Variants in DMD observed in about 807,000 individuals in gnomAD.
DMD encodes mutant dystrophin.
Under a neutral mutation model 330.1 loss-of-function variants are expected in DMD, and 63 were observed. The observed-to-expected ratio is 0.19, with a 90% CI of 0.16 to 0.24. The LOEUF (loss-of-function observed/expected upper bound fraction) is 0.24, where lower values mean the gene tolerates loss of function less well. Ranked by LOEUF, DMD falls within the 10% of genes least tolerant of loss-of-function variation. DMD has a pLI of 1.00. For synonymous variants in DMD, 1,223 were observed against 959.8 expected (o/e 1.27, Z -5.07); for missense variants, 3,344 against 2,684.1 (o/e 1.25, Z -5.43).
At chrX:32,328,714 A>G (rs2097664397) in intron 41 of DMD, among the ~76,000 whole-genome samples, 2 of 110,668 alleles carry the variant, frequency 1.8e-5, no homozygotes, top group Admixed American at 9.6e-5. Flanking sequence ...ATTAGGGAAC[A>G]TCACAAAAGT....
chrX:32,887,971 A>C (rs910043895), intron 2 of DMD, among the ~76,000 whole-genome samples: 2 of 108,929 alleles, frequency 1.8e-5, no homozygotes, highest in African/African-American at 6.7e-5. Flanking sequence ...TTGTCCCTTC[A>C]CTCTGATTAA....
chrX:32,841,834 A>T (rs180700879), intron 4 of DMD, among the ~76,000 whole-genome samples: 90 of 112,074 alleles, frequency 8.0e-4, no homozygotes, highest in Non-Finnish European at 1.0e-3. Context: ...TTAAAGAATA[A>T]ACTATATCCA....
chrX:31,147,745 G>C (rs917713765), intron 74 of DMD, among the ~76,000 whole-genome samples: 5 of 109,530 alleles, frequency 4.6e-5, no homozygotes, highest in Non-Finnish European at 9.5e-5. Flanking sequence ...TGCCTGGTGT[G>C]TGAAGGGAGC....
intron 60 of DMD, among the ~76,000 whole-genome samples, chrX:31,373,435 G>A (rs1000946110): frequency 1.1e-5 from 1 of 93,260 alleles, no homozygotes; most frequent in African/African-American, 3.9e-5. Flanking sequence ...CAAGGCTACA[G>A]GAAGCAAAAC....
chrX:31,178,533 C>T, intron 70 of DMD, 136 bp downstream of exon 70: 9 of 914,800 alleles, frequency 9.8e-6, no homozygotes, highest in East Asian at 9.7e-5. Flanking sequence ...GCTTATTTTT[C>T]TCTTTTCAGC....
chrX:32,056,534 C>A (rs770016818), intron 44 of DMD, among the ~76,000 whole-genome samples: 47 of 109,462 alleles, frequency 4.3e-4, no homozygotes, highest in African/African-American at 1.6e-3. Flanking sequence ...AAAAAATGAA[C>A]AAATTCCTTG....
chrX:32,820,625 G>C lies in DMD; in HGVS notation c.357+2670C>G, dbSNP rs747062839. ...TAGTATAAACAATAAATACAGTTCA[G>C]AGTGCCTTTTGGAGCTCTGTGCATG... On this transcript the variant is annotated intron_variant, in intron 5 of 78. Coordinates refer to ENST00000357033, the MANE Select transcript of DMD (RefSeq NM_004006.3). Among the ~76,000 whole-genome samples the C allele has an allele frequency of 3.6e-5, 4 of 111,240 alleles. No homozygotes were observed. The East Asian group carries it at 1.1e-3, about 32-fold the overall frequency.
At chrX:33,174,781 G>T (rs748644592) in intron 1 of DMD, among the ~76,000 whole-genome samples, 2 of 111,981 alleles carry the variant, frequency 1.8e-5, no homozygotes, top group Admixed American at 9.5e-5. Context: ...AATTGAGAAT[G>T]CCTTATCATG....
At position 32,346,054 on chromosome X, in the gene DMD, T is replaced by C. The variant is rs1350212576; in HGVS notation, c.5475A>G (p.Lys1825=). Residue 1825 remains lysine, a synonymous_variant, in exon 39 of 79, where the codon AAA becomes AAG. Coordinates refer to ENST00000357033, the MANE Select transcript of DMD (RefSeq NM_004006.3). The part of the protein sequence containing the change: ...DMNEDNEGTV[K]ELLQRGDNLQ... ...AGTTGTCTCCTCTTTGCAACAATTC[T>C]TTTACAGTACCCTCATTGTCTTCAT... 8.3e-7 allele frequency: 1 copy of C among 1,210,142 alleles called. No individual in the cohort carries two copies. The highest frequency in any genetic ancestry group is 1.1e-6 in the Non-Finnish European group (1 of 894,399).
chrX:31,823,459 A>T (rs1468278784), intron 49 of DMD, among the ~76,000 whole-genome samples: 1 of 112,244 alleles, frequency 8.9e-6, no homozygotes, highest in Admixed American at 9.4e-5. Flanking sequence ...AGAGAAAGAG[A>T]TAAATAAGTT....
intron 9 of DMD, among the ~76,000 whole-genome samples, chrX:32,674,289 C>T (rs1249181533): frequency 1.8e-5 from 2 of 111,596 alleles, no homozygotes; most frequent in Non-Finnish European, 3.8e-5. Context: ...ATCATAAAGA[C>T]TAATTGAAAG....
chrX:31,300,447 T>C (rs746484756), intron 62 of DMD, among the ~76,000 whole-genome samples: 2 of 112,080 alleles, frequency 1.8e-5, no homozygotes, highest in Admixed American at 9.5e-5. Flanking sequence ...ACCTGTGTTA[T>C]TGAGGTGAAA....
intron 4 of DMD, among the ~76,000 whole-genome samples, chrX:32,838,247 T>C (rs2079832691): frequency 9.0e-6 from 1 of 111,676 alleles, no homozygotes; most frequent in South Asian, 3.7e-4. Flanking sequence ...TTTTGTCTGA[T>C]TTTTCCTGTT....
At chrX:32,507,637 A>C (rs1287978844) in intron 18 of DMD, among the ~76,000 whole-genome samples, 3 of 111,868 alleles carry the variant, frequency 2.7e-5, no homozygotes, top group Non-Finnish European at 3.8e-5. Flanking sequence ...AGGTACTATT[A>C]CTTTCCCATT....
rs965252035 is a variant in DMD at position 32,550,462 on chromosome X, A to T, written c.1993-5128T>A. On this transcript the variant is annotated intron_variant, in intron 16 of 78. Coordinates refer to ENST00000357033, the MANE Select transcript of DMD (RefSeq NM_004006.3). ...TAATGAAAATTTAAAAAGATGTAAC[A>T]TACCAGAATCTCTGGGACACACACA... Among the ~76,000 whole-genome samples the T allele has an allele frequency of 2.7e-5, 3 of 111,617 alleles. No homozygotes were observed. The East Asian group carries it at 8.4e-4, about 31-fold the overall frequency.
intron 2 of DMD, among the ~76,000 whole-genome samples, chrX:33,015,308 T>A (rs1222574924): frequency 8.9e-6 from 1 of 111,945 alleles, no homozygotes; most frequent in African/African-American, 3.3e-5. Flanking sequence ...GTGGTACATA[T>A]ACACCATGGA....
chrX:32,748,261 T>C (rs148570961), intron 7 of DMD, among the ~76,000 whole-genome samples: 1,879 of 107,760 alleles, frequency 0.017, 45 homozygotes, highest in African/African-American at 0.061. Flanking sequence ...GGAGAATTGC[T>C]TGAACCCGGG....
chrX:31,713,102 G>A (rs890136317), intron 52 of DMD, among the ~76,000 whole-genome samples: 2 of 111,610 alleles, frequency 1.8e-5, no homozygotes, highest in Non-Finnish European at 3.8e-5. Context: ...AGAAGAAGAA[G>A]GGGTGCAGAA....
intron 51 of DMD, among the ~76,000 whole-genome samples, chrX:31,757,696 T>C (rs1039464476): frequency 7.3e-5 from 8 of 110,153 alleles, no homozygotes; most frequent in African/African-American, 2.6e-4. Context: ...CCGCATGACC[T>C]AATCACCCCC....
Sources: allele counts gnomAD v4.1 joint callset (sites outside exome capture counted in the v4.1 genomes callset), GRCh38; gene constraint gnomAD v4.1.1; transcripts MANE v1.5; gene names NCBI Gene and HGNC (gene_info 2026-07-23, HGNC 2026-07-21).